The following MACROD2 variants were observed in gnomAD, a reference collection of about 807,000 sequenced individuals.
MACROD2 encodes the protein mono-ADP ribosylhydrolase 2.
A neutral mutation model predicts 70.4 loss-of-function variants in MACROD2; 36 were observed. That is an observed-to-expected ratio of 0.51 (90% confidence interval 0.39 to 0.68). The LOEUF (loss-of-function observed/expected upper bound fraction) is 0.68. Ranked by LOEUF, MACROD2 falls within the 30% of genes least tolerant of loss-of-function variation. The probability of loss-of-function intolerance (pLI) is 0.00; values close to 1 mark genes in which losing one functional copy is unlikely to be tolerated. For missense variants in MACROD2, 496 were observed against 538.4 expected, an observed-to-expected ratio of 0.92 and a Z score of 0.78; for synonymous variants, 172 against 178.8, an observed-to-expected ratio of 0.96 and a Z score of 0.30.
rs2076714743 is a variant in MACROD2 at position 15,207,033 on chromosome 20, G to A, written c.419-22907G>A. Among the ~76,000 whole-genome samples the A allele has an allele frequency of 3.3e-5, 5 of 152,130 alleles. No individual in the cohort carries two copies. The South Asian group carries it at 1.0e-3, about 32-fold the overall frequency. ...TTACAGGCGTGAGCCACCGCGCCCG[G>A]CCCATATTATCTATGTTGTCACATG... On this transcript the variant is annotated intron_variant, in intron 5 of 17. Transcript: ENST00000684519.
intron 12 of MACROD2, among the ~76,000 whole-genome samples, chr20:15,938,109 G>A (rs2065694537): frequency 6.6e-6 from 1 of 151,624 alleles, no homozygotes. Flanking sequence ...CTAGGAGACA[G>A]TTTGAGGAAG....
intron 4 of MACROD2, among the ~76,000 whole-genome samples, chr20:14,661,000 T>C (rs540490853): frequency 6.6e-6 from 1 of 152,292 alleles, no homozygotes; most frequent in South Asian, 2.1e-4. Flanking sequence ...TGAATAGTGC[T>C]GGGGTAAAAA....
chr20:14,726,189 TA>T (rs1298582426), intron 5 of MACROD2, among the ~76,000 whole-genome samples: 1 of 152,174 alleles, frequency 6.6e-6, no homozygotes, highest in Non-Finnish European at 1.5e-5. Context: ...AAAGTAGCAA[TA>T]AATTTTAAGG....
chr20:14,870,000 T>C (rs2073470123), intron 5 of MACROD2, among the ~76,000 whole-genome samples: 1 of 152,118 alleles, frequency 6.6e-6, no homozygotes, highest in Non-Finnish European at 1.5e-5. Context: ...GTTTGTCATA[T>C]AGGTAGACTT....
intron 3 of MACROD2, among the ~76,000 whole-genome samples, chr20:14,489,860 C>CT (rs11356639): frequency 0.012 from 1,752 of 143,384 alleles, 11 homozygotes; most frequent in South Asian, 0.017. Context: ...TGAAATACTT[C>CT]TTTTTTTTTT....
intron 3 of MACROD2, among the ~76,000 whole-genome samples, chr20:14,452,234 G>T (rs2084253021): frequency 1.3e-5 from 2 of 151,716 alleles, no homozygotes; most frequent in Admixed American, 1.3e-4. Flanking sequence ...TATTCTAATT[G>T]CACATGGCTA....
intron 3 of MACROD2, among the ~76,000 whole-genome samples, chr20:14,167,176 A>G (rs568828501): frequency 7.3e-5 from 11 of 151,132 alleles, no homozygotes; most frequent in Non-Finnish European, 3.0e-5. Context: ...GTTGTTTTGG[A>G]CTCTTCTCAG....
chr20:14,981,432 G>GTATATATA lies in MACROD2; in HGVS notation c.419-248494_419-248487dup, dbSNP rs747438726. On this transcript the variant is annotated intron_variant, in intron 5 of 17. Coordinates refer to ENST00000684519, the MANE Select transcript of MACROD2 (RefSeq NM_001351661.2). The stretch of plus-strand genomic sequence containing the variant: ...TACGTGTGTGTGTATATATGTATAT[G>GTATATATA]TATATATATATATATATATATGTGT... Among the ~76,000 whole-genome samples the GTATATATA allele has an allele frequency of 1.8e-3, 253 of 141,444 alleles. 3 individuals are homozygous for GTATATATA. Among genetic ancestry groups the GTATATATA allele is most frequent in the African/African-American group, 6.1e-3 (233 of 38,092 alleles). 92.8% of individuals were successfully genotyped at this position (141,444 alleles called of 152,430 possible). A position where few individuals can be genotyped will look rare whatever the true frequency, so the allele number is the denominator to read the frequency against.
intron 10 of MACROD2, among the ~76,000 whole-genome samples, chr20:15,917,770 G>C (rs1287489224): frequency 6.6e-6 from 1 of 151,266 alleles, no homozygotes; most frequent in Non-Finnish European, 1.5e-5. Flanking sequence ...AGTAAGAAAT[G>C]TATTACTTAG....
At chr20:15,772,695 G>T (rs1458677845) in intron 8 of MACROD2, among the ~76,000 whole-genome samples, 2 of 151,992 alleles carry the variant, frequency 1.3e-5, no homozygotes. Flanking sequence ...TTCTTCACAT[G>T]GTGGCAAGAG....
intron 12 of MACROD2, among the ~76,000 whole-genome samples, chr20:15,951,340 CACACACACACAA>C (rs1287755556): frequency 3.4e-5 from 5 of 149,152 alleles, no homozygotes; most frequent in African/African-American, 1.0e-4. Flanking sequence ...CACACACACA[CACACACACACAA>C]AGAGAGAGAG....
At chr20:15,669,317 T>C (rs2049945999) in intron 8 of MACROD2, among the ~76,000 whole-genome samples, 1 of 152,240 alleles carries the variant, frequency 6.6e-6, no homozygotes, top group East Asian at 1.9e-4. Flanking sequence ...ATTGCACACA[T>C]GAAATGTGCA....
intron 6 of MACROD2, among the ~76,000 whole-genome samples, chr20:15,367,625 A>ATT (rs1057404412): frequency 6.6e-6 from 1 of 151,200 alleles, no homozygotes; most frequent in Non-Finnish European, 1.5e-5. Context: ...AGGGTTTTAC[A>ATT]TTTTTTTTTC....
intron 3 of MACROD2, among the ~76,000 whole-genome samples, chr20:14,465,939 T>C (rs994552545): frequency 5.9e-5 from 9 of 152,120 alleles, no homozygotes; most frequent in Non-Finnish European, 1.0e-4. Flanking sequence ...GTGGGTAACC[T>C]GACCTTTCTC....
chr20:15,698,133 GT>G (rs1241819387), intron 8 of MACROD2, among the ~76,000 whole-genome samples: 1 of 151,928 alleles, frequency 6.6e-6, no homozygotes, highest in African/African-American at 2.4e-5. Context: ...TTTGTTTTTT[GT>G]TTTTGCTTGT....
intron 5 of MACROD2, among the ~76,000 whole-genome samples, chr20:15,103,564 A>G (rs2075889227): frequency 6.6e-6 from 1 of 152,178 alleles, no homozygotes; most frequent in Non-Finnish European, 1.5e-5. Context: ...GACCATTAGT[A>G]TTGGCTGTAA....
At chr20:14,866,947 C>G (rs920753703) in intron 5 of MACROD2, among the ~76,000 whole-genome samples, 2 of 152,032 alleles carry the variant, frequency 1.3e-5, no homozygotes, top group African/African-American at 4.8e-5. Context: ...AATAAAAGTA[C>G]CATCTTTCAA....
chr20:14,637,154 T>C (rs1183054520), intron 4 of MACROD2, among the ~76,000 whole-genome samples: 1 of 152,124 alleles, frequency 6.6e-6, no homozygotes, highest in Non-Finnish European at 1.5e-5. Context: ...AGAATAGAGA[T>C]TCAGAAAGAT....
chr20:14,155,361 A>G (rs1169096906), intron 3 of MACROD2, among the ~76,000 whole-genome samples: 1 of 152,200 alleles, frequency 6.6e-6, no homozygotes, highest in Non-Finnish European at 1.5e-5. Flanking sequence ...TATAAGTCGT[A>G]TCTTTTCATG....
Sources: allele counts gnomAD v4.1 joint callset (sites outside exome capture counted in the v4.1 genomes callset), GRCh38; gene constraint gnomAD v4.1.1; transcripts MANE v1.5; gene names NCBI Gene and HGNC (gene_info 2026-07-23, HGNC 2026-07-21).